The following DHRS3 variants were observed in gnomAD, a reference collection of about 807,000 sequenced individuals.
The protein encoded by DHRS3 is short-chain dehydrogenase/reductase 3.
Under a neutral mutation model 27.2 loss-of-function variants are expected in DHRS3, and 14 were observed. The observed-to-expected ratio is 0.52, with a 90% CI of 0.34 to 0.81. The LOEUF (loss-of-function observed/expected upper bound fraction) is 0.81. DHRS3 is among the 30% of genes least tolerant of loss of function. The pLI is 0.01. For synonymous variants in DHRS3, 165 were observed against 175.9 expected (o/e 0.94, Z 0.49); for missense variants, 322 against 406.2 (o/e 0.79, Z 1.78).
intron 4 of DHRS3, among the ~76,000 whole-genome samples, chr1:12,577,476 CCTTGA>C (rs895443321): frequency 2.0e-5 from 3 of 152,146 alleles, no homozygotes; most frequent in African/African-American, 7.2e-5. Flanking sequence ...TCCCCGTTCC[CCTTGA>C]CTTAACTGGT....
chr1:12,573,519 T>C (rs1156833566), intron 4 of DHRS3, among the ~76,000 whole-genome samples: 2 of 152,342 alleles, frequency 1.3e-5, no homozygotes, highest in East Asian at 3.9e-4. Context: ...TGATACATAG[T>C]ATGTGCTCAA....
intron 1 of DHRS3, among the ~76,000 whole-genome samples, chr1:12,583,065 C>T (rs1215650291): frequency 2.0e-5 from 3 of 149,328 alleles, no homozygotes; most frequent in Non-Finnish European, 4.5e-5. Context: ...CTCACCTACC[C>T]CATTCCATTA....
At chr1:12,587,207 A>C (rs898810523) in intron 1 of DHRS3, among the ~76,000 whole-genome samples, 5 of 150,918 alleles carry the variant, frequency 3.3e-5, no homozygotes, top group Non-Finnish European at 1.5e-5. Context: ...CAGTGGCGCA[A>C]TCATGACTCA....
intron 1 of DHRS3, among the ~76,000 whole-genome samples, chr1:12,583,106 AT>A: frequency 7.4e-6 from 1 of 134,358 alleles, no homozygotes; most frequent in African/African-American, 2.9e-5. Context: ...CACTCCATCC[AT>A]CCATCCATGC....
chr1:12,582,013 T>A (rs2100665311), intron 1 of DHRS3, among the ~76,000 whole-genome samples: 1 of 152,300 alleles, frequency 6.6e-6, no homozygotes, highest in South Asian at 2.1e-4. Flanking sequence ...TCCATAATAT[T>A]TTCTTACTCT....
chr1:12,606,735 T>C (rs916415632), intron 1 of DHRS3, among the ~76,000 whole-genome samples: 42 of 152,150 alleles, frequency 2.8e-4, no homozygotes, highest in African/African-American at 1.0e-3. Flanking sequence ...GACCAGGTGA[T>C]CCGCCCGCCT....
At chr1:12,589,394 T>TTC (rs1553140522) in intron 1 of DHRS3, among the ~76,000 whole-genome samples, 2 of 149,682 alleles carry the variant, frequency 1.3e-5, no homozygotes, top group African/African-American at 2.5e-5. Context: ...TCTTTTTCTT[T>TTC]TTTTTTTTTT....
Position 12,579,279 on chromosome 1 carries a change from C to T in DHRS3, c.459+14G>A, listed in dbSNP as rs757157780. ...GCACGCCCGGGGCTGGCTCTGGCCC[C>T]GGATAGCCCTTACCCAGAACTGGCC... On this transcript the variant is annotated intron_variant, in intron 3 of 5. Coordinates refer to ENST00000616661, the MANE Select transcript of DHRS3 (RefSeq NM_004753.7). 4.5e-5 allele frequency: 73 copies of T among 1,613,932 alleles called. No homozygotes were observed. In the African/African-American group the frequency reaches 5.5e-4, roughly 12 times the overall value.
At chr1:12,583,334 T>A (rs1443979619) in intron 1 of DHRS3, among the ~76,000 whole-genome samples, 9 of 144,292 alleles carry the variant, frequency 6.2e-5, no homozygotes. Context: ...CATCCATCCA[T>A]CCATCCATCC....
At position 12,568,135 on chromosome 1, in the gene DHRS3, C is replaced by T; in HGVS notation, c.*205G>A. On this transcript the variant is annotated 3_prime_UTR_variant, in exon 6 of 6. Coordinates refer to ENST00000616661, the MANE Select transcript of DHRS3 (RefSeq NM_004753.7). ...GTCAAGGTGGCTTCTGGCTGTTTTCCTGCCTCCCTGTGGGGGTCAGTTATA... is the reference window on the plus strand; with the variant it reads ...GTCAAGGTGGCTTCTGGCTGTTTTCTTGCCTCCCTGTGGGGGTCAGTTATA... The T allele has an allele frequency of 3.8e-6, 2 of 525,732 alleles. No homozygotes were observed. Among genetic ancestry groups the T allele is most frequent in the Non-Finnish European group, 6.9e-6 (2 of 288,550 alleles). The allele number at this position is 525,732 out of a possible 1,614,324, so 32.6% of individuals were successfully genotyped here.
Position 12,617,447 on chromosome 1 carries a change from G to A in DHRS3, c.-99C>T. On this transcript the variant is annotated 5_prime_UTR_variant, in exon 1 of 6. Coordinates refer to ENST00000616661, the MANE Select transcript of DHRS3 (RefSeq NM_004753.7). Reference sequence around the variant, plus strand: ...AACAATAAATAGTAAACCGAATAAGGAGGAGAGAGGCGTCCCACCTGGCCA... The same window carrying A: ...AACAATAAATAGTAAACCGAATAAGAAGGAGAGAGGCGTCCCACCTGGCCA... The A allele has an allele frequency of 7.8e-7, 1 of 1,281,130 alleles. No individual in the cohort carries two copies. Among genetic ancestry groups the A allele is most frequent in the Non-Finnish European group, 1.1e-6 (1 of 949,672 alleles). 79.4% of individuals were successfully genotyped at this position (1,281,130 alleles called of 1,614,324 possible). A position where few individuals can be genotyped will look rare whatever the true frequency, so the allele number is the denominator to read the frequency against.
intron 5 of DHRS3, among the ~76,000 whole-genome samples, chr1:12,571,830 G>A (rs976053243): frequency 3.9e-5 from 6 of 151,978 alleles, no homozygotes; most frequent in African/African-American, 9.7e-5. Context: ...CACCGTGCCC[G>A]GCCACATTGT....
chr1:12,613,770 G>T (rs578256353), intron 1 of DHRS3, among the ~76,000 whole-genome samples: 10 of 151,898 alleles, frequency 6.6e-5, no homozygotes, highest in African/African-American at 2.2e-4. Context: ...GAGTTTTTTT[G>T]TTTGTTTGTT....
At chr1:12,580,369 G>A in intron 2 of DHRS3, 154 bp downstream of exon 2, 1 of 946,284 alleles carries the variant, frequency 1.1e-6, no homozygotes, top group Non-Finnish European at 1.7e-6. Flanking sequence ...TATGTAACTG[G>A]GGCCAGCTTC....
chr1:12,612,786 C>T (rs1045046597), intron 1 of DHRS3, among the ~76,000 whole-genome samples: 12 of 152,160 alleles, frequency 7.9e-5, no homozygotes, highest in African/African-American at 1.7e-4. Context: ...GGGGTGGGCA[C>T]GGTGGCTCAC....
At chr1:12,615,639 T>C (rs1458883082) in intron 1 of DHRS3, among the ~76,000 whole-genome samples, 2 of 152,210 alleles carry the variant, frequency 1.3e-5, no homozygotes, top group African/African-American at 4.8e-5. Flanking sequence ...AAAAAGTTTC[T>C]GTGGGATGCA....
At chr1:12,616,557 T>G in intron 1 of DHRS3, 1 of 985,950 alleles carries the variant, frequency 1.0e-6, no homozygotes, top group African/African-American at 1.7e-5. Context: ...AGTAGCTGCT[T>G]ACCCTGGCCT....
At chr1:12,613,639 G>A (rs1254052289) in intron 1 of DHRS3, among the ~76,000 whole-genome samples, 5 of 152,188 alleles carry the variant, frequency 3.3e-5, no homozygotes, top group Non-Finnish European at 5.9e-5. Flanking sequence ...GGGTGCTGTA[G>A]GAACAGGGCT....
intron 1 of DHRS3, among the ~76,000 whole-genome samples, chr1:12,614,660 T>C (rs1646932226): frequency 6.6e-6 from 1 of 150,634 alleles, no homozygotes; most frequent in Admixed American, 6.6e-5. Context: ...AATAAACAGA[T>C]AACTCCTGGA....
Sources: gnomAD v4.1 joint callset for allele counts (sites outside exome capture counted in the v4.1 genomes callset) on GRCh38, gnomAD v4.1.1 for gene constraint, MANE v1.5 for transcripts, NCBI Gene and HGNC (gene_info 2026-07-23, HGNC 2026-07-21) for gene names.